The following SUGCT variants were observed in gnomAD, a reference collection of about 807,000 sequenced individuals.
The protein encoded by SUGCT is succinyl-CoA:glutarate CoA-transferase.
A neutral mutation model predicts 55.0 loss-of-function variants in SUGCT; 41 were observed. The observed-to-expected ratio is 0.74, with a 90% CI of 0.58 to 0.97. The LOEUF is 0.97. Ranked by LOEUF, SUGCT falls within the 50% of genes least tolerant of loss-of-function variation. The pLI, the probability that SUGCT is intolerant of heterozygous loss-of-function variation, is 0.00. For missense variants in SUGCT, 568 were observed against 547.8 expected (o/e 1.04, Z -0.37); for synonymous variants, 187 against 200.4 (o/e 0.93, Z 0.56).
the SUGCT span, among the ~76,000 whole-genome samples, chr7:40,874,785 G>T: frequency 3.2e-4 from 48 of 152,260 alleles, no homozygotes; most frequent in Middle Eastern, 0.014. Context: ...CTCTAGAAAC[G>T]TACCTCCTCA....
At chr7:40,267,337 C>T (rs937622251) in intron 7 of SUGCT, among the ~76,000 whole-genome samples, 1 of 151,962 alleles carries the variant, frequency 6.6e-6, no homozygotes, top group Non-Finnish European at 1.5e-5. Context: ...TCTGAGTGAC[C>T]ATGAACAAAA....
chr7:40,167,116 G>A (rs1784460570), intron 1 of SUGCT, among the ~76,000 whole-genome samples: 1 of 152,118 alleles, frequency 6.6e-6, no homozygotes, highest in Admixed American at 6.5e-5. Context: ...TTGATTCACT[G>A]TAGCCTAAAA....
intron 13 of SUGCT, among the ~76,000 whole-genome samples, chr7:40,806,195 C>T (rs940948877): frequency 1.3e-5 from 2 of 152,168 alleles, no homozygotes; most frequent in African/African-American, 4.8e-5. Context: ...GATGTCTAAA[C>T]TCTGTAACGT....
chr7:40,454,063 CAAGG>C (rs1212672120), intron 10 of SUGCT, among the ~76,000 whole-genome samples: 1 of 151,960 alleles, frequency 6.6e-6, no homozygotes, highest in Non-Finnish European at 1.5e-5. Context: ...ATGAAGATGA[CAAGG>C]AACTTAAAGA....
At chr7:40,489,769 T>C (rs1352712458) in intron 11 of SUGCT, among the ~76,000 whole-genome samples, 1 of 152,130 alleles carries the variant, frequency 6.6e-6, no homozygotes, top group African/African-American at 2.4e-5. Context: ...TTGAATACTT[T>C]GTCATGCACT....
Position 40,439,064 on chromosome 7 carries a change from G to GTGTATATATATATATATA in SUGCT, c.817-10222_817-10221insGTATATATATATATATAT, listed in dbSNP as rs1283539157. 4.8e-4 allele frequency among the ~76,000 whole-genome samples: 13 copies of GTGTATATATATATATATA among 27,194 alleles called. 3 individuals are homozygous for GTGTATATATATATATATA. Among genetic ancestry groups the GTGTATATATATATATATA allele is most frequent in the Non-Finnish European group, 5.5e-4 (8 of 14,506 alleles). The allele number at this position is 27,194 out of a possible 152,430, so 17.8% of individuals were successfully genotyped here. A position where few individuals can be genotyped will look rare whatever the true frequency, so the allele number is the denominator to read the frequency against. ...TATATATATATGGTATATATATGGT[G>GTGTATATATATATATATA]TATATATATATATATATATATATAT... On this transcript the variant is annotated intron_variant, in intron 9 of 13. Coordinates refer to ENST00000335693, the MANE Select transcript of SUGCT (RefSeq NM_001193313.2).
intron 1 of SUGCT, among the ~76,000 whole-genome samples, chr7:40,166,202 A>AT (rs1784417457): frequency 1.3e-5 from 2 of 152,226 alleles, no homozygotes. Flanking sequence ...TATATACAAC[A>AT]TTTCATTTAA....
chr7:40,648,492 G>A (rs1800629452), intron 12 of SUGCT, among the ~76,000 whole-genome samples: 1 of 152,162 alleles, frequency 6.6e-6, no homozygotes, highest in Admixed American at 6.5e-5. Context: ...TTCCCCAAAA[G>A]ATACGTTGAA....
intron 7 of SUGCT, among the ~76,000 whole-genome samples, chr7:40,262,426 G>A (rs577465314): frequency 1.2e-4 from 18 of 147,954 alleles, no homozygotes; most frequent in African/African-American, 4.3e-4. Flanking sequence ...CGAGGTGGGC[G>A]AATCGTGAGG....
the SUGCT span, among the ~76,000 whole-genome samples, chr7:40,951,552 T>G: frequency 6.6e-6 from 1 of 152,216 alleles, no homozygotes; most frequent in Non-Finnish European, 1.5e-5. Context: ...TGTTAGGATG[T>G]CAATTTTAGA....
intron 9 of SUGCT, among the ~76,000 whole-genome samples, chr7:40,400,762 C>T (rs753277532): frequency 6.6e-6 from 1 of 152,156 alleles, no homozygotes; most frequent in Non-Finnish European, 1.5e-5. Context: ...TTACTTTGTA[C>T]CTTACTTAAG....
chr7:41,002,932 T>C, the SUGCT span, among the ~76,000 whole-genome samples: 2 of 151,992 alleles, frequency 1.3e-5, no homozygotes, highest in Admixed American at 1.3e-4. Flanking sequence ...CAATGGTATA[T>C]AAAGCATCTA....
At chr7:40,674,341 A>G (rs191061721) in intron 12 of SUGCT, among the ~76,000 whole-genome samples, 1 of 152,350 alleles carries the variant, frequency 6.6e-6, no homozygotes, top group Admixed American at 6.5e-5. Flanking sequence ...GGTTGGTGCC[A>G]ATAATGGCAG....
chr7:40,581,368 G>T (rs942056379), intron 12 of SUGCT, among the ~76,000 whole-genome samples: 2 of 152,174 alleles, frequency 1.3e-5, no homozygotes, highest in African/African-American at 4.8e-5. Context: ...GAGGTAGTTA[G>T]CCAGCTAAGG....
intron 8 of SUGCT, among the ~76,000 whole-genome samples, chr7:40,292,725 G>A (rs180672344): frequency 3.1e-4 from 47 of 152,142 alleles, no homozygotes; most frequent in Admixed American, 9.2e-4. Flanking sequence ...TTTCTGGTGC[G>A]GTATAGTCAG....
intron 13 of SUGCT, among the ~76,000 whole-genome samples, chr7:40,825,912 C>T (rs570675481): frequency 1.3e-5 from 2 of 152,242 alleles, no homozygotes; most frequent in South Asian, 4.2e-4. Context: ...ACTAAATCAC[C>T]AAAAAGTTCC....
chr7:40,286,314 C>T (rs994477760), intron 8 of SUGCT, among the ~76,000 whole-genome samples: 4 of 152,036 alleles, frequency 2.6e-5, no homozygotes, highest in Admixed American at 6.6e-5. Context: ...GTTAAAATTG[C>T]GGGGATGAGA....
At chr7:40,859,068 T>A (rs1265082324) in intron 13 of SUGCT, among the ~76,000 whole-genome samples, 1 of 152,108 alleles carries the variant, frequency 6.6e-6, no homozygotes, top group Non-Finnish European at 1.5e-5. Flanking sequence ...GCTCCTCAAA[T>A]CAAGAGAAAG....
At chr7:40,304,577 C>A (rs978340193) in intron 8 of SUGCT, among the ~76,000 whole-genome samples, 1 of 151,354 alleles carries the variant, frequency 6.6e-6, no homozygotes, top group African/African-American at 2.4e-5. Context: ...AATATTTTAT[C>A]CCTCACCACC....
Sources: gnomAD v4.1 joint callset for allele counts (sites outside exome capture counted in the v4.1 genomes callset) on GRCh38, gnomAD v4.1.1 for gene constraint, MANE v1.5 for transcripts, NCBI Gene and HGNC (gene_info 2026-07-23, HGNC 2026-07-21) for gene names.